Variants in RGL1 observed in about 807,000 individuals in gnomAD.
RGL1 encodes ral guanine nucleotide dissociation stimulator like 1.
A neutral mutation model predicts 95.2 loss-of-function variants in RGL1; 24 were observed. That is an observed-to-expected ratio of 0.25 (90% CI 0.18 to 0.35). The LOEUF (loss-of-function observed/expected upper bound fraction) is 0.35, where lower values mean the gene tolerates loss of function less well. Ranked by LOEUF, RGL1 falls within the 10% of genes least tolerant of loss-of-function variation. The pLI, the probability that RGL1 is intolerant of heterozygous loss-of-function variation, is 1.00. For missense variants in RGL1, 715 were observed against 936.3 expected (o/e 0.76, Z 3.08); for synonymous variants, 329 against 344.9 (o/e 0.95, Z 0.51).
chr1:183,841,480 T>G (rs1664053920), intron 2 of RGL1, among the ~76,000 whole-genome samples: 1 of 152,240 alleles, frequency 6.6e-6, no homozygotes, highest in African/African-American at 2.4e-5. Context: ...GTTTAAGTTT[T>G]GTTAAGTTTG....
chr1:183,733,087 C>A (rs1656725459), intron 1 of RGL1, among the ~76,000 whole-genome samples: 1 of 152,080 alleles, frequency 6.6e-6, no homozygotes, highest in Non-Finnish European at 1.5e-5. Flanking sequence ...AGTACACCCT[C>A]ACAGAGCTCT....
chr1:183,887,792 G>T (rs368283084), intron 7 of RGL1, among the ~76,000 whole-genome samples: 3 of 152,200 alleles, frequency 2.0e-5, no homozygotes, highest in Admixed American at 6.5e-5. Context: ...AATGTTTCCT[G>T]TTCTCTTTCT....
intron 2 of RGL1, among the ~76,000 whole-genome samples, chr1:183,767,627 G>A (rs1479357919): frequency 6.6e-6 from 1 of 152,278 alleles, no homozygotes; most frequent in Non-Finnish European, 1.5e-5. Flanking sequence ...TTGGCTCCAT[G>A]CTAAATCTGG....
chr1:183,705,400 G>T (rs1654849463), intron 1 of RGL1, among the ~76,000 whole-genome samples: 1 of 152,064 alleles, frequency 6.6e-6, no homozygotes, highest in Non-Finnish European at 1.5e-5. Context: ...AGATGGTATG[G>T]ACATTGCAGT....
At chr1:183,664,018 A>T (rs557235127) in intron 1 of RGL1, among the ~76,000 whole-genome samples, 2 of 138,508 alleles carry the variant, frequency 1.4e-5, no homozygotes, top group African/African-American at 2.7e-5. Flanking sequence ...AACAATGAGA[A>T]CACATGGACA....
chr1:183,865,401 A>C (rs9286850), intron 3 of RGL1, among the ~76,000 whole-genome samples: 150,138 of 152,342 alleles, frequency 0.99, 74,021 homozygotes, highest in Middle Eastern at 1. Context: ...AGCTGCTCTC[A>C]TGGTTGCTAA....
At chr1:183,661,065 G>C (rs1377069213) in intron 1 of RGL1, among the ~76,000 whole-genome samples, 16 of 152,072 alleles carry the variant, frequency 1.1e-4, no homozygotes, top group East Asian at 1.9e-4. Context: ...GCAGTGTGTA[G>C]AGGGAAATTT....
intron 9 of RGL1, among the ~76,000 whole-genome samples, chr1:183,895,776 C>A (rs989576849): frequency 6.6e-6 from 1 of 152,048 alleles, no homozygotes; most frequent in African/African-American, 2.4e-5. Context: ...TCAGTTGACA[C>A]CTCATTTGGA....
chr1:183,849,710 C>T (rs1020598807), intron 3 of RGL1, among the ~76,000 whole-genome samples: 25 of 151,890 alleles, frequency 1.6e-4, no homozygotes, highest in African/African-American at 5.8e-4. Flanking sequence ...AGGATGATCT[C>T]GATCTCTTGA....
Position 183,779,104 on chromosome 1 carries a change from T to C in RGL1, c.133-27271T>C, listed in dbSNP as rs111255174. Among the ~76,000 whole-genome samples the C allele has an allele frequency of 6.5e-3, 993 of 152,242 alleles. 14 individuals carry two copies. The highest frequency in any genetic ancestry group is 0.023 in the African/African-American group (963 of 41,526). On this transcript the variant is annotated intron_variant, in intron 2 of 18. Coordinates refer to the RGL1 transcript ENST00000304685. ...GCTATCAGTAAGGAAGCTGTGTAGC[T>C]GTTCATTAGAAGTGGTGATTCTTAT...
chr1:183,772,881 C>T (rs551178414), intron 2 of RGL1, among the ~76,000 whole-genome samples: 311 of 151,186 alleles, frequency 2.1e-3, no homozygotes, highest in Middle Eastern at 6.8e-3. Context: ...CGGTGGCGGG[C>T]GCCTGTAGTC....
chr1:183,717,614 G>C (rs902580473), intron 1 of RGL1, among the ~76,000 whole-genome samples: 2 of 152,056 alleles, frequency 1.3e-5, no homozygotes, highest in African/African-American at 4.8e-5. Context: ...TGCCCTAAGA[G>C]AAAATTCTAT....
chr1:183,807,864 A>G (rs1326132490), intron 2 of RGL1, among the ~76,000 whole-genome samples: 1 of 152,150 alleles, frequency 6.6e-6, no homozygotes, highest in East Asian at 1.9e-4. Context: ...CAGACCTGAT[A>G]GGGAAAGCAG....
chr1:183,772,027 C>T (rs958307935), intron 2 of RGL1, among the ~76,000 whole-genome samples: 1 of 152,218 alleles, frequency 6.6e-6, no homozygotes, highest in Non-Finnish European at 1.5e-5. Context: ...CCAGGGCAGT[C>T]GGAGGAGAGC....
chr1:183,926,994 C>G lies in RGL1; in HGVS notation c.*702C>G, dbSNP rs1430503483. 1 of 152,618 alleles carries G rather than the reference C, an allele frequency of 6.6e-6. No homozygotes were observed. The highest frequency in any genetic ancestry group is 1.5e-5 in the Non-Finnish European group (1 of 68,054). The allele number at this position is 152,618 out of a possible 1,614,324, so 9.5% of individuals were successfully genotyped here. A position where few individuals can be genotyped will look rare whatever the true frequency, so the allele number is the denominator to read the frequency against. ...GAGGAGCTTCGGAGGACCATCGCCC[C>G]ACTGGTCTAGCCATCATGACACCTC... On this transcript the variant is annotated 3_prime_UTR_variant, in exon 18 of 18. Coordinates refer to ENST00000360851, the MANE Select transcript of RGL1 (RefSeq NM_001297671.3).
chr1:183,794,612 A>T (rs1323134944), intron 2 of RGL1, among the ~76,000 whole-genome samples: 1 of 152,230 alleles, frequency 6.6e-6, no homozygotes, highest in East Asian at 1.9e-4. Flanking sequence ...AAAATTTTTT[A>T]AAAATCTGCC....
At chr1:183,762,779 T>C (rs1658765405) in intron 2 of RGL1, among the ~76,000 whole-genome samples, 1 of 152,212 alleles carries the variant, frequency 6.6e-6, no homozygotes, top group South Asian at 2.1e-4. Flanking sequence ...GGAATGCTTT[T>C]ACACTGTTGG....
chr1:183,877,345 G>A (rs529000078), intron 4 of RGL1, among the ~76,000 whole-genome samples: 86 of 152,328 alleles, frequency 5.6e-4, no homozygotes, highest in Middle Eastern at 3.4e-3. Context: ...GGGTAAGACC[G>A]AAAAGCCATT....
intron 3 of RGL1, among the ~76,000 whole-genome samples, chr1:183,860,290 A>G (rs1009473623): frequency 6.6e-6 from 1 of 152,110 alleles, no homozygotes; most frequent in African/African-American, 2.4e-5. Context: ...GAGGGTGTGT[A>G]TTAATTCATT....
Sources: allele counts gnomAD v4.1 joint callset (sites outside exome capture counted in the v4.1 genomes callset), GRCh38; gene constraint gnomAD v4.1.1; transcripts MANE v1.5; gene names NCBI Gene and HGNC (gene_info 2026-07-23, HGNC 2026-07-21).